SGCZ: variants seen among roughly 807,000 people sequenced by gnomAD.
The protein encoded by SGCZ is sarcoglycan zeta.
A neutral mutation model predicts 41.3 loss-of-function variants in SGCZ; 40 were observed. The observed-to-expected ratio is 0.97, with a 90% CI of 0.75 to 1.26. The LOEUF is 1.26. SGCZ is among the 50% of genes most tolerant of loss of function. SGCZ has a pLI of 0.00. For synonymous variants in SGCZ, 206 were observed against 137.5 expected, an observed-to-expected ratio of 1.50 and a Z score of -3.49; for missense variants, 552 against 369.8, an observed-to-expected ratio of 1.49 and a Z score of -4.04.
chr8:15,157,592 AC>A (rs1165112926), intron 1 of SGCZ, among the ~76,000 whole-genome samples: 8 of 152,278 alleles, frequency 5.3e-5, no homozygotes, highest in Admixed American at 5.2e-4. Context: ...AGGCTACCAC[AC>A]CAGACTAATG....
At chr8:14,967,066 C>A (rs7008305) in intron 1 of SGCZ, among the ~76,000 whole-genome samples, 136,730 of 152,154 alleles carry the variant, frequency 0.9, 61,695 homozygotes, top group Non-Finnish European at 0.93. Context: ...GATTAAGTCA[C>A]TCTTTCATTT....
chr8:14,362,841 G>A (rs547269903), intron 2 of SGCZ, among the ~76,000 whole-genome samples: 38 of 152,276 alleles, frequency 2.5e-4, no homozygotes, highest in Middle Eastern at 3.4e-3. Context: ...TACCCTACAC[G>A]ATTCCTTATA....
At chr8:14,824,243 TC>T (rs2130578222) in intron 1 of SGCZ, among the ~76,000 whole-genome samples, 1 of 152,190 alleles carries the variant, frequency 6.6e-6, no homozygotes, top group East Asian at 1.9e-4. Context: ...CAAGAGGGGC[TC>T]CTCAATGTTC....
In SGCZ at chr8:14,502,648, G is replaced by C. The variant is rs577808625; in HGVS notation, c.234+52084C>G. Among the ~76,000 whole-genome samples, 5 of 152,170 alleles carry C rather than the reference G, an allele frequency of 3.3e-5. No individual in the cohort carries two copies. The South Asian group carries it at 1.0e-3, about 32-fold the overall frequency. On this transcript the variant is annotated intron_variant, in intron 2 of 7. Coordinates refer to ENST00000382080, the MANE Select transcript of SGCZ (RefSeq NM_139167.4). ...CCCATTAAAAAGTGGGCGAAGAATA[G>C]AAAGACACTTCTCAAAAGAAGACAT... is the stretch of plus-strand genomic sequence containing the variant.
intron 1 of SGCZ, among the ~76,000 whole-genome samples, chr8:15,146,975 T>C (rs1799052895): frequency 1.3e-5 from 2 of 152,234 alleles, no homozygotes; most frequent in Admixed American, 6.5e-5. Context: ...CAAGTATCTT[T>C]CAATGTTTAA....
At chr8:14,698,936 C>T (rs952150855) in intron 1 of SGCZ, among the ~76,000 whole-genome samples, 6 of 151,676 alleles carry the variant, frequency 4.0e-5, no homozygotes, top group Non-Finnish European at 7.4e-5. Context: ...GGATTCTCAC[C>T]CCAACAGAGC....
intron 1 of SGCZ, among the ~76,000 whole-genome samples, chr8:15,126,308 T>C (rs148656937): frequency 0.023 from 3,548 of 152,314 alleles, 73 homozygotes; most frequent in Non-Finnish European, 0.033. Flanking sequence ...GAGATATGAT[T>C]ATATTTAGGA....
intron 1 of SGCZ, among the ~76,000 whole-genome samples, chr8:14,877,904 T>C (rs1319829582): frequency 1.3e-5 from 2 of 152,178 alleles, no homozygotes; most frequent in Non-Finnish European, 2.9e-5. Flanking sequence ...GGGTTTTTTT[T>C]TTCCAATGTA....
intron 1 of SGCZ, among the ~76,000 whole-genome samples, chr8:14,618,286 T>A (rs1042832795): frequency 6.6e-6 from 1 of 152,228 alleles, no homozygotes; most frequent in South Asian, 2.1e-4. Context: ...CAGAATTAAT[T>A]TGGGAGATAG....
At chr8:14,507,813 C>G (rs1238414132) in intron 2 of SGCZ, among the ~76,000 whole-genome samples, 1 of 149,612 alleles carries the variant, frequency 6.7e-6, no homozygotes, top group Non-Finnish European at 1.5e-5. Flanking sequence ...TTCTTGTTAC[C>G]CAGGCTGGAG....
chr8:15,203,400 T>G lies in SGCZ; in HGVS notation c.39+34185A>C, dbSNP rs1202014019. Among the ~76,000 whole-genome samples the G allele has an allele frequency of 4.6e-5, 7 of 152,284 alleles. 1 individual carries two copies. In the Middle Eastern group the frequency reaches 0.014, roughly 296 times the overall value. On this transcript the variant is annotated intron_variant, in intron 1 of 7. Transcript: ENST00000382080. The stretch of plus-strand genomic sequence containing the variant: ...TCAGGCATTGAGTGTACAAACCCCG[T>G]GAGGCCACTGCAGTTTCATTATGCA...
intron 1 of SGCZ, among the ~76,000 whole-genome samples, chr8:14,633,295 G>T (rs1263464201): frequency 6.6e-6 from 1 of 151,908 alleles, no homozygotes; most frequent in Non-Finnish European, 1.5e-5. Flanking sequence ...GACATAATGA[G>T]GTTTGAATTT....
At chr8:14,280,148 G>C (rs13255615) in intron 3 of SGCZ, among the ~76,000 whole-genome samples, 151,251 of 152,012 alleles carry the variant, frequency 0.99, 75,252 homozygotes, top group East Asian at 1. Flanking sequence ...ACTGTATACA[G>C]AATCTTCCAT....
intron 3 of SGCZ, among the ~76,000 whole-genome samples, chr8:14,245,858 A>C (rs1337695650): frequency 6.6e-6 from 1 of 152,226 alleles, no homozygotes; most frequent in Non-Finnish European, 1.5e-5. Context: ...GCTCATCATC[A>C]CTGGCCATCA....
At chr8:14,570,295 A>T (rs1215523444) in intron 1 of SGCZ, among the ~76,000 whole-genome samples, 1 of 152,154 alleles carries the variant, frequency 6.6e-6, no homozygotes, top group Non-Finnish European at 1.5e-5. Flanking sequence ...TGATTGAATA[A>T]AATTTGTCAT....
intron 1 of SGCZ, among the ~76,000 whole-genome samples, chr8:14,773,150 G>T (rs896449308): frequency 9.2e-5 from 14 of 152,072 alleles, no homozygotes. Context: ...TCTCATTGTG[G>T]TTTTGATTTG....
intron 1 of SGCZ, among the ~76,000 whole-genome samples, chr8:15,106,064 G>A (rs1007555091): frequency 1.3e-5 from 2 of 152,108 alleles, no homozygotes; most frequent in African/African-American, 4.8e-5. Flanking sequence ...AAATTATCAT[G>A]ACATTACAAT....
chr8:14,949,637 T>C (rs1800565626), intron 1 of SGCZ, among the ~76,000 whole-genome samples: 1 of 152,118 alleles, frequency 6.6e-6, no homozygotes, highest in African/African-American at 2.4e-5. Flanking sequence ...ATTTTGTGAA[T>C]TCTGGAGGTC....
intron 1 of SGCZ, among the ~76,000 whole-genome samples, chr8:14,862,694 T>G (rs115158578): frequency 0.01 from 1,583 of 151,196 alleles, 38 homozygotes; most frequent in African/African-American, 0.037. Context: ...GCAGAAATGA[T>G]TATAATTAGA....
Sources: allele counts gnomAD v4.1 joint callset (sites outside exome capture counted in the v4.1 genomes callset), GRCh38; gene constraint gnomAD v4.1.1; transcripts MANE v1.5; gene names NCBI Gene and HGNC (gene_info 2026-07-23, HGNC 2026-07-21).